HMGN5: variants seen among roughly 807,000 people sequenced by gnomAD.
HMGN5 encodes high mobility group nucleosome-binding domain-containing protein 5.
Under a neutral mutation model 9.5 loss-of-function variants are expected in HMGN5, and 4 were observed. The observed-to-expected ratio is 0.42, with a 90% CI of 0.21 to 0.96. The LOEUF (loss-of-function observed/expected upper bound fraction) is 0.96. Ranked by LOEUF, HMGN5 falls within the 40% of genes least tolerant of loss-of-function variation. HMGN5 has a pLI of 0.30. For synonymous variants in HMGN5, 55 were observed against 57.1 expected (o/e 0.96, Z 0.16); for missense variants, 192 against 187.5 (o/e 1.02, Z -0.14).
At chrX:81,154,825 T>C (rs1362009098) in intron 1 of HMGN5, among the ~76,000 whole-genome samples, 1 of 109,659 alleles carries the variant, frequency 9.1e-6, no homozygotes, top group African/African-American at 3.3e-5. Flanking sequence ...GAGATATCAT[T>C]TCACCTCAGT....
intron 1 of HMGN5, among the ~76,000 whole-genome samples, chrX:81,145,829 A>T (rs772758122): frequency 1.1e-3 from 117 of 111,353 alleles, no homozygotes; most frequent in Middle Eastern, 4.6e-3. Flanking sequence ...AATGGAAATT[A>T]AAAAAAAGCA....
At chrX:81,199,691 C>T (rs1242784314) in intron 1 of HMGN5, among the ~76,000 whole-genome samples, 2 of 112,177 alleles carry the variant, frequency 1.8e-5, no homozygotes, top group Non-Finnish European at 3.8e-5. Flanking sequence ...AAAGCTGAAA[C>T]TGGATCCTTT....
At chrX:81,196,025 T>C (rs942521123) in intron 1 of HMGN5, among the ~76,000 whole-genome samples, 1 of 110,953 alleles carries the variant, frequency 9.0e-6, no homozygotes, top group African/African-American at 3.3e-5. Context: ...CATCACTACA[T>C]AGCAGGTGAC....
intron 1 of HMGN5, among the ~76,000 whole-genome samples, chrX:81,143,768 T>C (rs1198017865): frequency 8.9e-6 from 1 of 112,251 alleles, no homozygotes; most frequent in Non-Finnish European, 1.9e-5. Context: ...AAATTCTCAC[T>C]GTTAGCAGTC....
intron 2 of HMGN5, among the ~76,000 whole-genome samples, chrX:81,120,581 CTA>C (rs1229935197): frequency 9.0e-6 from 1 of 111,200 alleles, no homozygotes; most frequent in Non-Finnish European, 1.9e-5. Context: ...AGTATTATTC[CTA>C]TGTTTTAGGA....
chrX:81,175,657 G>A (rs1025463344), intron 1 of HMGN5, among the ~76,000 whole-genome samples: 2 of 110,502 alleles, frequency 1.8e-5, no homozygotes, highest in South Asian at 3.9e-4. Context: ...GCAGTCAATC[G>A]CCTTAGCTCC....
chrX:81,121,392 T>G (rs967647928), intron 2 of HMGN5, 143 bp downstream of exon 2: 4 of 575,130 alleles, frequency 7.0e-6, no homozygotes, highest in Non-Finnish European at 1.2e-5. Context: ...TCTTTGCCCT[T>G]CTACCCCTTT....
chrX:81,147,828 T>C (rs944407823), intron 1 of HMGN5, among the ~76,000 whole-genome samples: 2 of 111,541 alleles, frequency 1.8e-5, no homozygotes, highest in African/African-American at 6.5e-5. Context: ...AGCATTCCTA[T>C]ACACCAATAA....
In HMGN5 at chrX:81,164,067, C is replaced by T. The variant is rs2075404707; in HGVS notation, c.-124+37670G>A. Among the ~76,000 whole-genome samples the T allele has an allele frequency of 2.7e-5, 3 of 111,685 alleles. No individual in the cohort carries two copies. In the Admixed American group the frequency reaches 2.9e-4, roughly 11 times the overall value. On this transcript the variant is annotated intron_variant, in intron 1 of 6. Coordinates refer to ENST00000358130, the MANE Select transcript of HMGN5 (RefSeq NM_030763.3). Reference sequence around the variant, plus strand: ...AGAGATGTGCAAAAGCAGATAGATGCCCAACACAATCAATGCTATTTTAAG... The same window carrying T: ...AGAGATGTGCAAAAGCAGATAGATGTCCAACACAATCAATGCTATTTTAAG...
intron 1 of HMGN5, among the ~76,000 whole-genome samples, chrX:81,177,805 T>C (rs934518172): frequency 1.8e-5 from 2 of 111,470 alleles, no homozygotes; most frequent in African/African-American, 6.5e-5. Flanking sequence ...ATTGACCACA[T>C]AATTGGAAGA....
At chrX:81,153,114 G>C (rs2075369117) in intron 1 of HMGN5, among the ~76,000 whole-genome samples, 1 of 107,559 alleles carries the variant, frequency 9.3e-6, no homozygotes, top group African/African-American at 3.4e-5. Context: ...CCTGCACATT[G>C]TGCACATGTA....
intron 1 of HMGN5, among the ~76,000 whole-genome samples, chrX:81,123,681 AC>A (rs1395837693): frequency 8.9e-6 from 1 of 112,303 alleles, no homozygotes; most frequent in East Asian, 2.8e-4. Context: ...AAAATGCGAA[AC>A]CCTGTAGCAT....
chrX:81,174,635 C>T (rs1410562346), intron 1 of HMGN5, among the ~76,000 whole-genome samples: 1 of 111,081 alleles, frequency 9.0e-6, no homozygotes, highest in Non-Finnish European at 1.9e-5. Context: ...GAGCAAATTG[C>T]TTAAATATTA....
intron 1 of HMGN5, among the ~76,000 whole-genome samples, chrX:81,187,934 T>G (rs969869002): frequency 9.0e-6 from 1 of 111,532 alleles, no homozygotes; most frequent in Non-Finnish European, 1.9e-5. Context: ...TAACCCATTA[T>G]TTTTAGTTAG....
At chrX:81,185,374 C>T (rs181865952) in intron 1 of HMGN5, among the ~76,000 whole-genome samples, 2 of 111,160 alleles carry the variant, frequency 1.8e-5, no homozygotes, top group East Asian at 5.6e-4. Flanking sequence ...TTATTTGTAG[C>T]TACTGCAAAT....
chrX:81,134,620 C>T (rs1179717754), intron 1 of HMGN5, among the ~76,000 whole-genome samples: 1 of 111,316 alleles, frequency 9.0e-6, no homozygotes, highest in Non-Finnish European at 1.9e-5. Flanking sequence ...CAGTTTAACA[C>T]ATCGATACAT....
rs184807507 is a variant in HMGN5 at position 81,115,515 on chromosome X, C to T, written c.268-285G>A. Among the ~76,000 whole-genome samples, 547 of 111,904 alleles carry T rather than the reference C, an allele frequency of 4.9e-3. 4 individuals carry two copies. Among genetic ancestry groups the T allele is most frequent in the African/African-American group, 0.017 (527 of 30,962 alleles). On this transcript the variant is annotated intron_variant, in intron 6 of 6. Transcript: ENST00000358130. ...TTTTTATTTCAAATATGAAGAAGCA[C>T]AAAGTAAATACTTAAAGGATGACAT...
At chrX:81,116,124 T>G (rs2075252715) in intron 6 of HMGN5, 80 bp downstream of exon 6, 1 of 774,244 alleles carries the variant, frequency 1.3e-6, no homozygotes, top group African/African-American at 2.1e-5. Flanking sequence ...ACTTATAAAC[T>G]AAAAGGCAAA....
intron 1 of HMGN5, among the ~76,000 whole-genome samples, chrX:81,197,462 A>C (rs988636056): frequency 8.9e-6 from 1 of 112,027 alleles, no homozygotes; most frequent in East Asian, 2.8e-4. Context: ...GCTTCTGGAA[A>C]AGGTGGGGAT....
Sources: allele counts gnomAD v4.1 joint callset (sites outside exome capture counted in the v4.1 genomes callset), GRCh38; gene constraint gnomAD v4.1.1; transcripts MANE v1.5; gene names NCBI Gene and HGNC (gene_info 2026-07-23, HGNC 2026-07-21).